The following USP34 variants were observed in gnomAD, a reference collection of about 807,000 sequenced individuals.
The protein encoded by USP34 is ubiquitin carboxyl-terminal hydrolase 34.
Under a neutral mutation model 460.3 loss-of-function variants are expected in USP34, and 70 were observed. The ratio of observed to expected loss-of-function variants is 0.15; its 90% CI spans 0.13 to 0.19. The LOEUF (loss-of-function observed/expected upper bound fraction) is 0.19, where lower values mean the gene tolerates loss of function less well. Ranked by LOEUF, USP34 falls within the 10% of genes least tolerant of loss-of-function variation. The probability of loss-of-function intolerance (pLI) is 1.00; values close to 1 mark genes in which losing one functional copy is unlikely to be tolerated. For synonymous variants in USP34, 1,647 were observed against 1,405.3 expected (o/e 1.17, Z -3.85); for missense variants, 3,985 against 4,236.2 (o/e 0.94, Z 1.65).
chr2:61,428,022 G>T (rs545640532), intron 1 of USP34, among the ~76,000 whole-genome samples: 1 of 151,872 alleles, frequency 6.6e-6, no homozygotes, highest in Admixed American at 6.6e-5. Context: ...AAAACTAGCC[G>T]GGCATGGTGG....
At chr2:61,394,471 G>A (rs1025420622) in intron 5 of USP34, among the ~76,000 whole-genome samples, 9 of 148,814 alleles carry the variant, frequency 6.0e-5, no homozygotes, top group Admixed American at 1.4e-4. Context: ...TGAGGTGGGA[G>A]GATCACCTGA....
chr2:61,197,905 G>A (rs112530623), intron 75 of USP34, among the ~76,000 whole-genome samples: 10,985 of 152,122 alleles, frequency 0.072, 536 homozygotes, highest in Admixed American at 0.13. Flanking sequence ...GACTACAGGC[G>A]TGCGCCACCA....
intron 25 of USP34, 37 bp downstream of exon 25, chr2:61,314,548 G>A: frequency 1.4e-6 from 2 of 1,392,880 alleles, no homozygotes; most frequent in Non-Finnish European, 1.9e-6. Context: ...GAATAAAAAT[G>A]AAATTCATTC....
In USP34 at chr2:61,202,718, A is replaced by T. The variant is rs1173558667; in HGVS notation, c.9508+422T>A. 2.0e-5 allele frequency among the ~76,000 whole-genome samples: 3 copies of T among 152,166 alleles called. 1 individual carries two copies. The highest frequency in any genetic ancestry group is 4.4e-5 in the Non-Finnish European group (3 of 68,036). The stretch of plus-strand genomic sequence containing the variant: ...ACCTCTGCTTCACACTGGCAAGCCC[A>T]CTGCTCTTGCCATTGCCAGCTCCAA... On this transcript the variant is annotated intron_variant, in intron 75 of 79. Coordinates refer to ENST00000398571, the MANE Select transcript of USP34 (RefSeq NM_014709.4).
chr2:61,228,582 G>A (rs371377281), intron 61 of USP34, 63 bp downstream of exon 61: 31 of 1,482,720 alleles, frequency 2.1e-5, no homozygotes, highest in African/African-American at 2.8e-5. Flanking sequence ...TCAGGACTTC[G>A]CACGATGCAA....
intron 33 of USP34, among the ~76,000 whole-genome samples, chr2:61,292,980 T>A (rs927774402): frequency 2.6e-5 from 4 of 152,140 alleles, no homozygotes; most frequent in African/African-American, 7.2e-5. Context: ...ACAGCAACAA[T>A]GTCTAATTGC....
chr2:61,391,894 T>C (rs565358052), intron 5 of USP34, among the ~76,000 whole-genome samples: 22 of 152,330 alleles, frequency 1.4e-4, no homozygotes, highest in African/African-American at 3.6e-4. Flanking sequence ...AGTTACTCCA[T>C]TGAGTTATTA....
intron 16 of USP34, among the ~76,000 whole-genome samples, chr2:61,342,729 AAAAC>A (rs1246490760): frequency 1.3e-5 from 2 of 152,212 alleles, no homozygotes; most frequent in African/African-American, 4.8e-5. Context: ...AAAACATTGT[AAAAC>A]AAGGTAGATT....
chr2:61,284,134 A>G (rs1232370066), intron 35 of USP34, among the ~76,000 whole-genome samples: 2 of 152,254 alleles, frequency 1.3e-5, no homozygotes, highest in African/African-American at 4.8e-5. Context: ...GATTTAATAA[A>G]CAAAATTTGA....
chr2:61,374,159 G>GGA lies in USP34; in HGVS notation c.1077-3581_1077-3580insTC, dbSNP rs1278630394. 4.7e-3 allele frequency among the ~76,000 whole-genome samples: 556 copies of GGA among 117,710 alleles called. 9 individuals carry two copies. Among genetic ancestry groups the GGA allele is most frequent in the African/African-American group, 8.9e-3 (278 of 31,260 alleles). The allele number at this position is 117,710 out of a possible 152,430, so 77.2% of individuals were successfully genotyped here. ...CAATAGAGCGAGACTCCATCTCAGG[G>GGA]AAAAAAAAAAAAAAAAAAACAGAGA... On this transcript the variant is annotated intron_variant, in intron 8 of 79. Transcript: ENST00000398571.
intron 41 of USP34, 137 bp from the exon 42 acceptor site, chr2:61,266,304 A>G (rs1689042543): frequency 3.8e-6 from 3 of 783,358 alleles, no homozygotes; most frequent in Non-Finnish European, 1.9e-6. Flanking sequence ...CATCATCTGA[A>G]AGTCCTCCGT....
chr2:61,336,521 A>C (rs571455812), intron 18 of USP34, among the ~76,000 whole-genome samples: 5 of 151,852 alleles, frequency 3.3e-5, no homozygotes, highest in Admixed American at 6.6e-5. Context: ...AAAAAAAAAA[A>C]ACCTCAAGCT....
intron 5 of USP34, among the ~76,000 whole-genome samples, chr2:61,386,822 C>T (rs1693160770): frequency 6.6e-6 from 1 of 152,056 alleles, no homozygotes; most frequent in Non-Finnish European, 1.5e-5. Context: ...TTGTAAGTAT[C>T]TTCATGGCCT....
rs1386449986 is a variant in USP34 at position 61,213,638 on chromosome 2, G to A, written c.8682+422C>T. Among the ~76,000 whole-genome samples, 4 of 152,190 alleles carry A rather than the reference G, an allele frequency of 2.6e-5. No homozygotes were observed. In the South Asian group the frequency reaches 8.3e-4, roughly 32 times the overall value. On this transcript the variant is annotated intron_variant, in intron 68 of 79. Coordinates refer to ENST00000398571, the MANE Select transcript of USP34 (RefSeq NM_014709.4). ...GATGCAGCTTGAGAAAAAATACTGC[G>A]GAATACTACTAGTTTTAGATATAAA...
chr2:61,210,719 CT>C (rs919387936), intron 69 of USP34, among the ~76,000 whole-genome samples: 17 of 151,850 alleles, frequency 1.1e-4, no homozygotes, highest in African/African-American at 3.9e-4. Flanking sequence ...AGCTCCAAAT[CT>C]TTTTTTTCTT....
chr2:61,458,922 CGGG>C (rs1037634569), intron 1 of USP34, among the ~76,000 whole-genome samples: 2 of 151,948 alleles, frequency 1.3e-5, no homozygotes, highest in Non-Finnish European at 2.9e-5. Context: ...AAAAATGAGC[CGGG>C]CACAGTGGTG....
chr2:61,229,467 A>G, intron 59 of USP34, 81 bp downstream of exon 59: 1 of 604,546 alleles, frequency 1.7e-6, no homozygotes, highest in Non-Finnish European at 2.4e-6. Context: ...TAAAAAAAAA[A>G]AAAAAAAACA....
At chr2:61,399,073 C>G (rs977305526) in intron 3 of USP34, among the ~76,000 whole-genome samples, 1 of 152,070 alleles carries the variant, frequency 6.6e-6, no homozygotes, top group Non-Finnish European at 1.5e-5. Context: ...AATCTCCTAA[C>G]GGCCGGTGCA....
chr2:61,273,261 T>A (rs995518466), intron 41 of USP34, among the ~76,000 whole-genome samples: 1 of 152,160 alleles, frequency 6.6e-6, no homozygotes, highest in Admixed American at 6.5e-5. Flanking sequence ...CACAGGCAAA[T>A]TGAGTATCAT....
Sources: gnomAD v4.1 joint callset for allele counts (sites outside exome capture counted in the v4.1 genomes callset) on GRCh38, gnomAD v4.1.1 for gene constraint, MANE v1.5 for transcripts, NCBI Gene and HGNC (gene_info 2026-07-23, HGNC 2026-07-21) for gene names.